The following THADA variants were observed in gnomAD, a reference collection of about 807,000 sequenced individuals.
THADA encodes the protein tRNA (32-2'-O)-methyltransferase regulator THADA.
A neutral mutation model predicts 219.8 loss-of-function variants in THADA; 213 were observed. That is an observed-to-expected ratio of 0.97 (90% CI 0.87 to 1.09). The LOEUF (loss-of-function observed/expected upper bound fraction) is 1.09. Ranked by LOEUF, THADA falls within the 50% of genes least tolerant of loss-of-function variation. The pLI, the probability that THADA is intolerant of heterozygous loss-of-function variation, is 0.00. For missense variants in THADA, 2,956 were observed against 2,311.3 expected, an observed-to-expected ratio of 1.28 and a Z score of -5.72; for synonymous variants, 1,018 against 828.9, an observed-to-expected ratio of 1.23 and a Z score of -3.92.
At chr2:43,435,490 G>C (rs1220649480) in intron 26 of THADA, among the ~76,000 whole-genome samples, 2 of 147,152 alleles carry the variant, frequency 1.4e-5, no homozygotes, top group Admixed American at 6.8e-5. Flanking sequence ...GGGAAGGAGG[G>C]AGGGAGGGAG....
intron 36 of THADA, among the ~76,000 whole-genome samples, chr2:43,243,665 C>G (rs1668840872): frequency 6.6e-6 from 1 of 152,150 alleles, no homozygotes; most frequent in African/African-American, 2.4e-5. Flanking sequence ...TTCCCAGGCA[C>G]AACCTGCCGC....
intron 26 of THADA, among the ~76,000 whole-genome samples, chr2:43,445,762 C>T (rs1246850428): frequency 6.6e-6 from 1 of 152,224 alleles, no homozygotes; most frequent in Non-Finnish European, 1.5e-5. Context: ...CAGCCTCAAA[C>T]TCCTGGGTTC....
chr2:43,279,066 T>G (rs1673046940), intron 36 of THADA, among the ~76,000 whole-genome samples: 1 of 152,130 alleles, frequency 6.6e-6, no homozygotes, highest in African/African-American at 2.4e-5. Flanking sequence ...TTATTTCTAC[T>G]CCATCTGCCC....
At chr2:43,378,837 CT>C (rs1671677327) in intron 29 of THADA, among the ~76,000 whole-genome samples, 1 of 152,190 alleles carries the variant, frequency 6.6e-6, no homozygotes. Context: ...AACTCCTGAC[CT>C]CAGGTGATCC....
chr2:43,494,291 T>C (rs1311362453), intron 25 of THADA, among the ~76,000 whole-genome samples: 1 of 152,232 alleles, frequency 6.6e-6, no homozygotes, highest in African/African-American at 2.4e-5. Context: ...AAGGTTAAGG[T>C]TCCCTTGGTA....
intron 28 of THADA, among the ~76,000 whole-genome samples, chr2:43,419,763 G>T (rs1469204892): frequency 6.6e-6 from 1 of 152,106 alleles, no homozygotes; most frequent in African/African-American, 2.4e-5. Flanking sequence ...GGAAATAAAA[G>T]TTCTGTATGG....
At position 43,292,099 on chromosome 2, in the gene THADA, C is replaced by G; in HGVS notation, c.4937+5G>C. Reference sequence around the variant, plus strand: ...AAGGTTGCACAGGAGGTTTTGGGGGCAAACCTTTCATTGGAAGCAATATCC... The same window carrying G: ...AAGGTTGCACAGGAGGTTTTGGGGGGAAACCTTTCATTGGAAGCAATATCC... On this transcript the variant is annotated splice_donor_5th_base_variant and intron_variant, in intron 33 of 37. Coordinates refer to ENST00000405975, the MANE Select transcript of THADA (RefSeq NM_022065.5). 6.3e-7 allele frequency: 1 copy of G among 1,587,302 alleles called. No individual in the cohort carries two copies. Among genetic ancestry groups the G allele is most frequent in the Admixed American group, 1.8e-5 (1 of 55,898 alleles).
At chr2:43,439,016 G>C (rs1231665924) in intron 26 of THADA, among the ~76,000 whole-genome samples, 2 of 152,196 alleles carry the variant, frequency 1.3e-5, no homozygotes, top group African/African-American at 2.4e-5. Flanking sequence ...ATAAGATAAA[G>C]TGAAGTGAAT....
intron 26 of THADA, among the ~76,000 whole-genome samples, chr2:43,457,937 C>T (rs560933370): frequency 6.6e-6 from 1 of 152,052 alleles, no homozygotes; most frequent in Admixed American, 6.6e-5. Flanking sequence ...AAAAAAAATC[C>T]CAGGTGATAG....
At chr2:43,551,279 C>A (rs774759258) in intron 19 of THADA, among the ~76,000 whole-genome samples, 3 of 152,172 alleles carry the variant, frequency 2.0e-5, no homozygotes, top group African/African-American at 7.2e-5. Context: ...AAAAGGAACA[C>A]TCAATTTTAG....
chr2:43,563,478 T>G (rs1372716944), intron 15 of THADA: 1 of 152,208 alleles, frequency 6.6e-6, no homozygotes, highest in Admixed American at 6.5e-5. Flanking sequence ...TAATCTTGTA[T>G]CTACATAATG....
rs368608034 is a variant in THADA at position 43,527,870 on chromosome 2, T to C, written c.3374+9A>G. The C allele has an allele frequency of 5.1e-6, 8 of 1,571,720 alleles. No homozygotes were observed. The African/African-American group carries it at 8.1e-5, about 16-fold the overall frequency. The stretch of plus-strand genomic sequence containing the variant: ...TTTTAAAACGTACACAAAAGGATAT[T>C]TGTTTTACCTGTTTAGTACTTCAGT... On this transcript the variant is annotated intron_variant, in intron 22 of 37. Coordinates refer to ENST00000405975, the MANE Select transcript of THADA (RefSeq NM_022065.5).
chr2:43,484,922 A>T (rs922163167), intron 26 of THADA, among the ~76,000 whole-genome samples: 6 of 151,228 alleles, frequency 4.0e-5, no homozygotes, highest in Non-Finnish European at 8.8e-5. Context: ...TTTCAGGACT[A>T]CTTAAAGAAG....
chr2:43,328,777 C>T (rs764884081), intron 30 of THADA, among the ~76,000 whole-genome samples: 54 of 152,324 alleles, frequency 3.5e-4, no homozygotes, highest in Admixed American at 7.2e-4. Flanking sequence ...CTGGGGTCCT[C>T]TTTTTAGGTT....
At chr2:43,416,071 C>T (rs1676932839) in intron 28 of THADA, among the ~76,000 whole-genome samples, 1 of 152,052 alleles carries the variant, frequency 6.6e-6, no homozygotes, top group African/African-American at 2.4e-5. Context: ...TAGAATTATG[C>T]AGGTTATAAT....
intron 22 of THADA, among the ~76,000 whole-genome samples, chr2:43,514,231 C>T (rs926541511): frequency 6.6e-6 from 1 of 151,404 alleles, no homozygotes; most frequent in Non-Finnish European, 1.5e-5. Context: ...AGGCAGATCA[C>T]GTGAGCTCTG....
chr2:43,511,320 C>A lies in THADA; in HGVS notation c.3375-2540G>T, dbSNP rs150037795. Among the ~76,000 whole-genome samples, 282 of 152,280 alleles carry A rather than the reference C, an allele frequency of 1.9e-3. 1 individual carries two copies. The highest frequency in any genetic ancestry group is 6.5e-3 in the African/African-American group (272 of 41,558). ...CACTAAATACTAGTTCAATAATGCT[C>A]CTCAACTGTCAGTGGGCCTCCCCTG... On this transcript the variant is annotated intron_variant, in intron 22 of 37. Transcript: ENST00000405975.
chr2:43,587,500 A>G (rs1331018797), intron 4 of THADA, among the ~76,000 whole-genome samples: 1 of 152,112 alleles, frequency 6.6e-6, no homozygotes, highest in African/African-American at 2.4e-5. Context: ...GTTCTGACAT[A>G]CCAGTCTTTG....
chr2:43,245,169 C>CTTTTTT (rs1558459342), intron 36 of THADA, among the ~76,000 whole-genome samples: 2 of 88,482 alleles, frequency 2.3e-5, no homozygotes, highest in Non-Finnish European at 2.1e-5. Context: ...TTTCTTTCTT[C>CTTTTTT]TTCTTTTTTT....
Sources: gnomAD v4.1 joint callset for allele counts (sites outside exome capture counted in the v4.1 genomes callset) on GRCh38, gnomAD v4.1.1 for gene constraint, MANE v1.5 for transcripts, NCBI Gene and HGNC (gene_info 2026-07-23, HGNC 2026-07-21) for gene names.